The following ANKRD26 variants were observed in gnomAD, a reference collection of about 807,000 sequenced individuals.
ANKRD26 encodes the protein ankyrin repeat domain 26.
Under a neutral mutation model 208.7 loss-of-function variants are expected in ANKRD26, and 141 were observed. The observed-to-expected ratio is 0.68, with a 90% CI of 0.59 to 0.78. The LOEUF (loss-of-function observed/expected upper bound fraction) is 0.78, where lower values mean the gene tolerates loss of function less well. Among genes scored for constraint, ANKRD26 ranks in the 30% least tolerant of loss-of-function variants. The pLI, the probability that ANKRD26 is intolerant of heterozygous loss-of-function variation, is 0.00. For missense variants in ANKRD26, 1,889 were observed against 1,938.7 expected, an observed-to-expected ratio of 0.97 and a Z score of 0.48; for synonymous variants, 636 against 660.4, an observed-to-expected ratio of 0.96 and a Z score of 0.57.
intron 5 of ANKRD26, among the ~76,000 whole-genome samples, chr10:26,980,133 C>G (rs1380328661): frequency 6.6e-6 from 1 of 152,174 alleles, no homozygotes; most frequent in Non-Finnish European, 1.5e-5. Context: ...AATATTGTCT[C>G]AAAGTTTTAT....
At chr10:27,081,942 T>C (rs1004680913) in intron 6 of ANKRD26, among the ~76,000 whole-genome samples, 1 of 151,668 alleles carries the variant, frequency 6.6e-6, no homozygotes, top group Non-Finnish European at 1.5e-5. Context: ...TTCACCGTGT[T>C]AGCCAGGCTG....
intron 1 of ANKRD26, among the ~76,000 whole-genome samples, chr10:27,097,959 T>C (rs2056522121): frequency 6.6e-6 from 1 of 151,760 alleles, no homozygotes; most frequent in Admixed American, 6.6e-5. Flanking sequence ...AGCCTAATTA[T>C]CATTTATATT....
intron 4 of ANKRD26, among the ~76,000 whole-genome samples, chr10:26,980,848 G>A (rs1441911358): frequency 6.6e-6 from 1 of 152,074 alleles, no homozygotes; most frequent in Non-Finnish European, 1.5e-5. Context: ...ACCTGGAGGT[G>A]GGGGAAGAAC....
chr10:27,083,543 A>G (rs1350108811), intron 5 of ANKRD26, among the ~76,000 whole-genome samples: 1 of 152,014 alleles, frequency 6.6e-6, no homozygotes, highest in Non-Finnish European at 1.5e-5. Context: ...GGCCTAACAT[A>G]GTGAGACCTC....
At chr10:27,042,798 C>CAAAAAAAAAAAAAAA (rs60850386) in intron 20 of ANKRD26, among the ~76,000 whole-genome samples, 25 of 48,922 alleles carry the variant, frequency 5.1e-4, no homozygotes, top group East Asian at 9.4e-4. Context: ...CAAAAAAATA[C>CAAAAAAAAAAAAAAA]AAAAAAAAAA....
exon 5 of ANKRD26, among the ~76,000 whole-genome samples, chr10:26,980,592 C>T (rs1170915988): frequency 1.3e-5 from 2 of 152,112 alleles, no homozygotes; most frequent in African/African-American, 4.8e-5. Context: ...CTGGTCATTC[C>T]CTATATGGTG....
intron 25 of ANKRD26, among the ~76,000 whole-genome samples, chr10:27,031,629 T>C (rs574085805): frequency 2.0e-5 from 3 of 152,272 alleles, no homozygotes; most frequent in African/African-American, 7.2e-5. Context: ...GTGGTGATGG[T>C]TACACAACTC....
chr10:26,955,929 A>C, the ANKRD26 span, among the ~76,000 whole-genome samples: 2 of 152,194 alleles, frequency 1.3e-5, no homozygotes, highest in African/African-American at 4.8e-5. Context: ...AAGGTTAGGC[A>C]ATATTTTTTC....
chr10:27,082,875 G>C, intron 5 of ANKRD26, 42 bp from the exon 6 acceptor site: 1 of 1,556,676 alleles, frequency 6.4e-7, no homozygotes, highest in Non-Finnish European at 8.7e-7. Flanking sequence ...ATCAACAATA[G>C]AAAAATATAT....
intron 17 of ANKRD26, among the ~76,000 whole-genome samples, chr10:27,047,739 A>AGTAATAATT (rs1564388490): frequency 2.0e-5 from 1 of 49,282 alleles, no homozygotes; most frequent in African/African-American, 3.8e-5. Flanking sequence ...TAATAATAAT[A>AGTAATAATT]ATTATTATTA....
the ANKRD26 span, among the ~76,000 whole-genome samples, chr10:26,952,371 C>T: frequency 6.6e-6 from 1 of 152,028 alleles, no homozygotes; most frequent in East Asian, 1.9e-4. Context: ...AAAACAAATC[C>T]TGGGTTTTAT....
intron 29 of ANKRD26, among the ~76,000 whole-genome samples, chr10:27,022,232 C>A (rs577599436): frequency 6.6e-6 from 1 of 151,852 alleles, no homozygotes; most frequent in African/African-American, 2.4e-5. Context: ...CAGGGACACA[C>A]GGAGGGGAAC....
At chr10:27,077,317 G>A (rs1253164053) in intron 9 of ANKRD26, 21 bp downstream of exon 9, 3 of 1,593,324 alleles carry the variant, frequency 1.9e-6, no homozygotes, top group Admixed American at 1.7e-5. Context: ...CATGAAAAAA[G>A]TTTTTTAAAA....
chr10:27,063,573 G>A (rs866616474), intron 12 of ANKRD26, among the ~76,000 whole-genome samples: 4 of 152,134 alleles, frequency 2.6e-5, no homozygotes, highest in Admixed American at 6.5e-5. Context: ...TGCCCGCCTC[G>A]GCCTCCCAAA....
intron 9 of ANKRD26, among the ~76,000 whole-genome samples, chr10:27,071,639 A>T (rs1043394880): frequency 1.3e-5 from 2 of 152,194 alleles, no homozygotes; most frequent in African/African-American, 4.8e-5. Flanking sequence ...GAAGCAACAC[A>T]GGACCTTAAC....
intron 9 of ANKRD26, among the ~76,000 whole-genome samples, chr10:27,076,265 G>GTTTT (rs199989309): frequency 1.4e-5 from 2 of 141,106 alleles, no homozygotes; most frequent in African/African-American, 5.1e-5. Flanking sequence ...TGTTTGTTTG[G>GTTTT]TTTTTTTTTT....
intron 9 of ANKRD26, among the ~76,000 whole-genome samples, chr10:27,072,145 G>C (rs2055527275): frequency 6.6e-6 from 1 of 152,218 alleles, no homozygotes; most frequent in East Asian, 1.9e-4. Context: ...GGCATGGCTT[G>C]AAAGTGCGGT....
At chr10:27,039,905 G>C (rs1340776346) in intron 21 of ANKRD26, 60 bp downstream of exon 21, 1 of 1,501,774 alleles carries the variant, frequency 6.7e-7, no homozygotes, top group South Asian at 1.1e-5. Context: ...GCAATTACAA[G>C]AATTCTATAT....
In ANKRD26 at chr10:27,014,639, C is replaced by T; in HGVS notation, c.4579G>A (p.Glu1527Lys). 6.2e-7 allele frequency: 1 copy of T among 1,608,984 alleles called. No homozygotes were observed. The highest frequency in any genetic ancestry group is 8.5e-7 in the Non-Finnish European group (1 of 1,177,324). ...NNFASMKSQM[E>K]LRIKDLESEL... ...GATTCCAGATCTTTAATTCTGAGTT[C>T]CATCTGACTTTTCATTGAAGCAAAA... The change falls in exon 31 of 34, where the codon GAA (glutamate) becomes AAA (lysine). Residue 1527 changes from glutamate to lysine, a missense_variant. Glu to Lys is a moderately conservative substitution (Grantham distance 56, BLOSUM62 1). Around this residue, in one of 3 missense-constraint regions of ANKRD26, gnomAD observed 613 missense variants for 648.2 expected, o/e 0.95. Transcript: ENST00000376087.
Sources: gnomAD v4.1 joint callset for allele counts (sites outside exome capture counted in the v4.1 genomes callset) on GRCh38, gnomAD v4.1.1 for gene constraint, gnomAD v4.1.1 regional missense constraint, MANE v1.5 for transcripts, NCBI Gene and HGNC (gene_info 2026-07-23, HGNC 2026-07-21) for gene names.